Variants in PRELID2 observed in about 807,000 individuals in gnomAD.
PRELID2 encodes the protein PRELI domain containing 2, also known as PRELI domain-containing protein 2.
A neutral mutation model predicts 28.4 loss-of-function variants in PRELID2; 25 were observed. The observed-to-expected ratio is 0.88, with a 90% CI of 0.64 to 1.23. PRELID2 has a LOEUF of 1.23. PRELID2 is among the 50% of genes most tolerant of loss of function. The pLI is 0.00. For missense variants in PRELID2, 201 were observed against 214.4 expected, an observed-to-expected ratio of 0.94 and a Z score of 0.39; for synonymous variants, 76 against 71.6, an observed-to-expected ratio of 1.06 and a Z score of -0.31.
intron 1 of PRELID2, among the ~76,000 whole-genome samples, chr5:145,603,914 C>T (rs1174356314): frequency 6.6e-6 from 1 of 151,622 alleles, no homozygotes; most frequent in East Asian, 1.9e-4. Flanking sequence ...TAAATATAAA[C>T]AGAATGATTA....
intron 1 of PRELID2, among the ~76,000 whole-genome samples, chr5:145,658,899 T>C (rs11960156): frequency 0.03 from 4,599 of 152,186 alleles, 219 homozygotes; most frequent in African/African-American, 0.1. Context: ...ACAGAGTAAC[T>C]GGAAAGGGGG....
chr5:145,668,365 TAAAAAA>T, intron 1 of PRELID2, among the ~76,000 whole-genome samples: 1 of 141,916 alleles, frequency 7.0e-6, no homozygotes, highest in East Asian at 2.0e-4. Flanking sequence ...TGAAGGTGGT[TAAAAAA>T]AAAAAAAAGA....
chr5:145,440,504 T>C, the PRELID2 span, among the ~76,000 whole-genome samples: 1 of 152,144 alleles, frequency 6.6e-6, no homozygotes, highest in Non-Finnish European at 1.5e-5. Context: ...TTGTTTGGTT[T>C]TTAACAAGGT....
At chr5:145,367,871 T>C in the PRELID2 span, among the ~76,000 whole-genome samples, 1 of 151,870 alleles carries the variant, frequency 6.6e-6, no homozygotes, top group African/African-American at 2.4e-5. Flanking sequence ...TCTTGATTGC[T>C]TTATGAATAA....
the PRELID2 span, among the ~76,000 whole-genome samples, chr5:145,372,502 A>C: frequency 6.6e-6 from 1 of 152,022 alleles, no homozygotes; most frequent in Non-Finnish European, 1.5e-5. Flanking sequence ...TAGGTCTCTA[A>C]GAACTTGTTT....
chr5:145,669,582 G>C (rs1322479906), intron 1 of PRELID2, among the ~76,000 whole-genome samples: 1 of 152,076 alleles, frequency 6.6e-6, no homozygotes, highest in Non-Finnish European at 1.5e-5. Flanking sequence ...CAAGGGATCT[G>C]ATTCAAATTT....
the PRELID2 span, among the ~76,000 whole-genome samples, chr5:145,407,879 G>T: frequency 1.2e-4 from 18 of 152,230 alleles, no homozygotes; most frequent in South Asian, 3.7e-3. Flanking sequence ...TACAGCCAAG[G>T]ACTCCCACAG....
the PRELID2 span, among the ~76,000 whole-genome samples, chr5:145,411,305 A>G: frequency 3.3e-5 from 5 of 152,140 alleles, no homozygotes; most frequent in African/African-American, 9.7e-5. Flanking sequence ...TATATTCACT[A>G]TCATGAGAAC....
chr5:145,368,180 C>A, the PRELID2 span, among the ~76,000 whole-genome samples: 1 of 151,954 alleles, frequency 6.6e-6, no homozygotes, highest in Non-Finnish European at 1.5e-5. Context: ...TTATCCAAAT[C>A]TGTTTTCAAC....
intron 1 of PRELID2, among the ~76,000 whole-genome samples, chr5:145,698,812 T>C (rs536339038): frequency 3.6e-4 from 55 of 152,314 alleles, no homozygotes; most frequent in African/African-American, 1.3e-3. Flanking sequence ...CTGTAACCTC[T>C]GCCTCCTGGG....
the PRELID2 span, among the ~76,000 whole-genome samples, chr5:145,337,480 G>T: frequency 6.6e-6 from 1 of 151,454 alleles, no homozygotes; most frequent in East Asian, 1.9e-4. Context: ...GACTGCCCCT[G>T]CTTCAGATTC....
chr5:145,794,207 C>T (rs1411738068), intron 5 of PRELID2, among the ~76,000 whole-genome samples: 3 of 152,066 alleles, frequency 2.0e-5, no homozygotes, highest in Admixed American at 1.3e-4. Flanking sequence ...CATAGTCTTA[C>T]AGACAAGAGC....
At chr5:145,460,623 C>G in the PRELID2 span, among the ~76,000 whole-genome samples, 1 of 152,172 alleles carries the variant, frequency 6.6e-6, no homozygotes, top group African/African-American at 2.4e-5. Flanking sequence ...GGCACCTACC[C>G]TGTGCTATAC....
intron 1 of PRELID2, among the ~76,000 whole-genome samples, chr5:145,474,061 T>G (rs1405797634): frequency 6.6e-6 from 1 of 152,142 alleles, no homozygotes; most frequent in African/African-American, 2.4e-5. Context: ...AATATCAACT[T>G]CAACCCAATG....
chr5:145,478,388 G>T (rs1249939559), intron 1 of PRELID2, among the ~76,000 whole-genome samples: 1 of 151,816 alleles, frequency 6.6e-6, no homozygotes, highest in African/African-American at 2.4e-5. Context: ...TCTACTAAAA[G>T]TACAAAAGAT....
intron 1 of PRELID2, among the ~76,000 whole-genome samples, chr5:145,581,886 G>A (rs996856208): frequency 1.1e-4 from 17 of 152,040 alleles, no homozygotes; most frequent in African/African-American, 4.1e-4. Context: ...TCTCAGCAAG[G>A]CATGAGTGTC....
the PRELID2 span, among the ~76,000 whole-genome samples, chr5:145,235,285 A>G: frequency 6.6e-6 from 1 of 152,182 alleles, no homozygotes; most frequent in Non-Finnish European, 1.5e-5. Flanking sequence ...GAGCCCCTCA[A>G]TCCTGTGATT....
At chr5:145,366,042 A>C in the PRELID2 span, among the ~76,000 whole-genome samples, 3 of 151,940 alleles carry the variant, frequency 2.0e-5, no homozygotes, top group African/African-American at 7.2e-5. Context: ...TGTATGATTT[A>C]GTTCACCTCC....
At chr5:145,825,943 G>T in intron 1 of PRELID2, 1 of 805,390 alleles carries the variant, frequency 1.2e-6, no homozygotes, top group Non-Finnish European at 1.5e-6. Context: ...AAACTCCCAT[G>T]AGAAAAAGTT....
Sources: gnomAD v4.1 joint callset for allele counts (sites outside exome capture counted in the v4.1 genomes callset) on GRCh38, gnomAD v4.1.1 for gene constraint, MANE v1.5 for transcripts, NCBI Gene and HGNC (gene_info 2026-07-23, HGNC 2026-07-21) for gene names.